Variants in DLGAP1 observed in about 807,000 individuals in gnomAD.
DLGAP1 encodes the protein DLG associated protein 1, also known as disks large-associated protein 1.
In DLGAP1, 11 loss-of-function variants were observed where a neutral mutation model predicts 90.8. The observed-to-expected ratio is 0.12, with a 90% CI of 0.08 to 0.20. The LOEUF (loss-of-function observed/expected upper bound fraction) is 0.20, where lower values mean the gene tolerates loss of function less well. Ranked by LOEUF, DLGAP1 falls within the 10% of genes least tolerant of loss-of-function variation. The pLI, the probability that DLGAP1 is intolerant of heterozygous loss-of-function variation, is 1.00. For synonymous variants in DLGAP1, 558 were observed against 540.7 expected, an observed-to-expected ratio of 1.03 and a Z score of -0.44; for missense variants, 1,050 against 1,333.8, an observed-to-expected ratio of 0.79 and a Z score of 3.31.
At chr18:4,328,578 A>C (rs2080876424) in intron 1 of DLGAP1, among the ~76,000 whole-genome samples, 2 of 152,014 alleles carry the variant, frequency 1.3e-5, no homozygotes, top group African/African-American at 4.8e-5. Context: ...TAGTGAGATT[A>C]CTGGGCCACA....
chr18:3,855,332 T>TA (rs1324851120), intron 4 of DLGAP1, among the ~76,000 whole-genome samples: 19 of 152,122 alleles, frequency 1.2e-4, no homozygotes, highest in African/African-American at 4.6e-4. Context: ...TATCGGGTGT[T>TA]ACGCTTATTA....
chr18:4,144,106 G>A, intron 2 of DLGAP1, among the ~76,000 whole-genome samples: 1 of 152,138 alleles, frequency 6.6e-6, no homozygotes, highest in East Asian at 1.9e-4. Context: ...TCTTAGCTGT[G>A]TCAGCTGGTG....
chr18:3,747,021 T>C (rs1225186028), intron 5 of DLGAP1, among the ~76,000 whole-genome samples: 1 of 152,126 alleles, frequency 6.6e-6, no homozygotes, highest in Non-Finnish European at 1.5e-5. Context: ...ATCTAGAATA[T>C]AACATCGAAA....
In DLGAP1 at chr18:4,045,039, G is replaced by C. The variant is rs538728553; in HGVS notation, c.-158-39838C>G. Among the ~76,000 whole-genome samples the C allele has an allele frequency of 1.8e-4, 27 of 152,092 alleles. 1 individual carries two copies. The East Asian group carries it at 5.2e-3, about 30-fold the overall frequency. Reference sequence around the variant, plus strand: ...TGTCAATCAGAGATGAGTAACTAAAGACAAGTTATAATCATAATTAACCCA... The same window carrying C: ...TGTCAATCAGAGATGAGTAACTAAACACAAGTTATAATCATAATTAACCCA... On this transcript the variant is annotated intron_variant, in intron 2 of 12. Transcript: ENST00000315677.
At chr18:4,145,123 C>T (rs909402537) in intron 2 of DLGAP1, among the ~76,000 whole-genome samples, 1 of 152,074 alleles carries the variant, frequency 6.6e-6, no homozygotes, top group Admixed American at 6.6e-5. Flanking sequence ...ATATCACCAC[C>T]CCCACAATAT....
At chr18:3,551,611 T>TCC in intron 9 of DLGAP1, among the ~76,000 whole-genome samples, 1 of 127,948 alleles carries the variant, frequency 7.8e-6, no homozygotes, top group Non-Finnish European at 1.6e-5. Flanking sequence ...TTTTCTTTCT[T>TCC]TCTTTCTTTT....
chr18:4,115,129 C>G (rs2076039798), intron 2 of DLGAP1, among the ~76,000 whole-genome samples: 1 of 151,988 alleles, frequency 6.6e-6, no homozygotes, highest in South Asian at 2.1e-4. Context: ...GCATTATTCT[C>G]TTAGTGATGT....
chr18:3,683,110 C>T (rs2060579515), intron 7 of DLGAP1, among the ~76,000 whole-genome samples: 2 of 152,124 alleles, frequency 1.3e-5, no homozygotes, highest in Non-Finnish European at 2.9e-5. Context: ...CCCGCCTCAG[C>T]CTCCCAAAAT....
At chr18:3,768,668 T>C (rs148980174) in intron 5 of DLGAP1, among the ~76,000 whole-genome samples, 1 of 152,242 alleles carries the variant, frequency 6.6e-6, no homozygotes, top group Non-Finnish European at 1.5e-5. Context: ...CTGACAAAAG[T>C]GCAAAAGCAA....
intron 1 of DLGAP1, among the ~76,000 whole-genome samples, chr18:4,229,424 T>A (rs1242596101): frequency 1.3e-5 from 2 of 151,988 alleles, no homozygotes; most frequent in African/African-American, 4.8e-5. Context: ...TGACTTCAAA[T>A]TATACTGCAG....
chr18:4,031,812 A>G (rs1486862960), intron 2 of DLGAP1, among the ~76,000 whole-genome samples: 1 of 152,254 alleles, frequency 6.6e-6, no homozygotes, highest in Non-Finnish European at 1.5e-5. Context: ...TAAATTACTG[A>G]CAAGAAAATA....
chr18:4,008,501 T>C (rs2074351538), intron 2 of DLGAP1, among the ~76,000 whole-genome samples: 1 of 152,024 alleles, frequency 6.6e-6, no homozygotes, highest in African/African-American at 2.4e-5. Context: ...CAGGCTACAA[T>C]TTTTTTTAAG....
At chr18:3,616,478 A>C (rs980100490) in intron 7 of DLGAP1, among the ~76,000 whole-genome samples, 1 of 152,040 alleles carries the variant, frequency 6.6e-6, no homozygotes, top group Non-Finnish European at 1.5e-5. Context: ...GGCCAGGTGC[A>C]GTGGCTCACA....
intron 1 of DLGAP1, among the ~76,000 whole-genome samples, chr18:4,452,937 T>C (rs1008655587): frequency 1.3e-5 from 2 of 152,192 alleles, no homozygotes; most frequent in Non-Finnish European, 2.9e-5. Context: ...CCTGTAATGT[T>C]TGAGATAAAG....
rs146662220 is a variant in DLGAP1 at position 3,864,011 on chromosome 18, C to A, written c.957+15101G>T. Among the ~76,000 whole-genome samples the A allele has an allele frequency of 3.2e-3, 488 of 152,314 alleles. 3 individuals carry two copies. Among genetic ancestry groups the A allele is most frequent in the African/African-American group, 0.011 (455 of 41,562 alleles). ...TCTGTTCTCCACTTGCTTATTTCTA[C>A]CAGCTGAGTGGTCAGCTACCCATCT... On this transcript the variant is annotated intron_variant, in intron 4 of 12. Transcript: ENST00000315677.
chr18:4,322,950 A>C (rs1031957595), intron 1 of DLGAP1, among the ~76,000 whole-genome samples: 45 of 94,048 alleles, frequency 4.8e-4, no homozygotes, highest in East Asian at 1.7e-3. Flanking sequence ...ACAGAAAAAA[A>C]AAAAAAAAAA....
Position 4,004,254 on chromosome 18 carries a change from T to C in DLGAP1, c.-73+862A>G, listed in dbSNP as rs994196783. On this transcript the variant is annotated intron_variant, in intron 3 of 12. Transcript: ENST00000315677. ...TAGGAATTGAGGTAATTGAAACACA[T>C]TTCTCCTCTCTATGGTATTAATATT... is the stretch of plus-strand genomic sequence containing the variant. Among the ~76,000 whole-genome samples, 9 of 152,184 alleles carry C rather than the reference T, an allele frequency of 5.9e-5. No homozygotes were observed. In the East Asian group the frequency reaches 1.5e-3, roughly 26 times the overall value.
Position 3,552,078 on chromosome 18 carries a change from G to A in DLGAP1, c.2057+15412C>T, listed in dbSNP as rs114902611. 5.1e-3 allele frequency among the ~76,000 whole-genome samples: 769 copies of A among 151,890 alleles called. 15 individuals carry two copies. The highest frequency in any genetic ancestry group is 0.017 in the African/African-American group (718 of 41,418). Reference sequence around the variant, plus strand: ...CTGCCTTGGCCTCCTAAAGACCTGGGATTAGGCATGAGCTACCACTCCTAG... The same window carrying A: ...CTGCCTTGGCCTCCTAAAGACCTGGAATTAGGCATGAGCTACCACTCCTAG... On this transcript the variant is annotated intron_variant, in intron 9 of 12. Transcript: ENST00000315677.
At chr18:3,657,625 C>T (rs1304152137) in intron 7 of DLGAP1, among the ~76,000 whole-genome samples, 10 of 136,200 alleles carry the variant, frequency 7.3e-5, no homozygotes, top group South Asian at 2.3e-4. Context: ...TTTTTTGAGA[C>T]GGAGTCTTGC....
Sources: gnomAD v4.1 joint callset for allele counts (sites outside exome capture counted in the v4.1 genomes callset) on GRCh38, gnomAD v4.1.1 for gene constraint, MANE v1.5 for transcripts, NCBI Gene and HGNC (gene_info 2026-07-23, HGNC 2026-07-21) for gene names.